The following ZBTB44 variants were observed in gnomAD, a reference collection of about 807,000 sequenced individuals.
The protein encoded by ZBTB44 is zinc finger and BTB domain-containing protein 44.
A neutral mutation model predicts 54.0 loss-of-function variants in ZBTB44; 15 were observed. That is an observed-to-expected ratio of 0.28 (90% confidence interval 0.19 to 0.43). The LOEUF (loss-of-function observed/expected upper bound fraction) is 0.43. Among genes scored for constraint, ZBTB44 ranks in the 20% least tolerant of loss-of-function variants. The probability of loss-of-function intolerance (pLI) is 1.00; values close to 1 mark genes in which losing one functional copy is unlikely to be tolerated. For synonymous variants in ZBTB44, 230 were observed against 250.1 expected (o/e 0.92, Z 0.76); for missense variants, 487 against 707.1 (o/e 0.69, Z 3.53).
intron 1 of ZBTB44, among the ~76,000 whole-genome samples, chr11:130,273,051 A>G (rs1283794003): frequency 2.0e-5 from 3 of 152,144 alleles, no homozygotes; most frequent in Admixed American, 2.0e-4. Context: ...ACTCCATATT[A>G]ATTTCAGAAT....
chr11:130,296,440 C>A, intron 1 of ZBTB44: 2 of 1,293,216 alleles, frequency 1.5e-6, no homozygotes, highest in Non-Finnish European at 1.1e-6. Context: ...AATAAATGTA[C>A]GACCACATTC....
At position 130,261,954 on chromosome 11, in the gene ZBTB44, T is replaced by C; in HGVS notation, c.-56-25A>G. 7.2e-7 allele frequency: 1 copy of C among 1,397,230 alleles called. No individual in the cohort carries two copies. The allele number at this position is 1,397,230 out of a possible 1,614,324, so 86.6% of individuals were successfully genotyped here. On this transcript the variant is annotated intron_variant, in intron 1 of 7. Coordinates refer to ENST00000357899, the MANE Select transcript of ZBTB44 (RefSeq NM_001301098.2). This position sits in a 1 kb window ranked among gnomAD's most constrained non-coding sequence, Gnocchi z 4.8. ...CCTAAAAAATACATAAAATAAAGCA[T>C]TAATTGATATTTTAGTGGTTTAAAA...
chr11:130,236,537 T>C (rs1954118978), intron 5 of ZBTB44: 2 of 353,044 alleles, frequency 5.7e-6, no homozygotes, highest in African/African-American at 4.2e-5. Context: ...AAAAAATATC[T>C]CAAGAGGACA....
At chr11:130,233,736 T>C in intron 6 of ZBTB44, 5 of 1,164,286 alleles carry the variant, frequency 4.3e-6, no homozygotes, top group Non-Finnish European at 5.3e-6. Flanking sequence ...GGTATATGTT[T>C]TAAGTCAACC....
intron 1 of ZBTB44, among the ~76,000 whole-genome samples, chr11:130,290,279 T>C (rs763392591): frequency 1.3e-5 from 2 of 152,218 alleles, no homozygotes; most frequent in Non-Finnish European, 2.9e-5. Context: ...GAATGGTTTC[T>C]CTCCTAGATC....
At chr11:130,234,530 G>T (rs1417808131) in intron 5 of ZBTB44, among the ~76,000 whole-genome samples, 1 of 152,068 alleles carries the variant, frequency 6.6e-6, no homozygotes, top group Non-Finnish European at 1.5e-5. Context: ...TATAACTCTG[G>T]ACACCTTAAC....
intron 1 of ZBTB44, among the ~76,000 whole-genome samples, chr11:130,275,124 T>C (rs1939963749): frequency 6.6e-6 from 1 of 152,180 alleles, no homozygotes; most frequent in African/African-American, 2.4e-5. Context: ...TCTTTTATGA[T>C]CTTTATTATT....
In ZBTB44 at chr11:130,234,227, G is replaced by A. The variant is rs1954008699; in HGVS notation, c.1615C>T (p.Leu539Phe). The part of the protein sequence containing the change: ...DYLNQEQEET[L>F]VQYDLGEHGF... ...TGTTCTCCAAGATCATATTGAACAA[G>A]GGTCTCTTCTTGTTCCTGGTTTAAG... is the stretch of plus-strand genomic sequence containing the variant. Residue 539 changes from leucine (L) to phenylalanine (F), a missense_variant, in exon 6 of 8, where the codon CTT becomes TTT. By Grantham distance (22) the Leu-to-Phe change is conservative (BLOSUM62 0). Transcript: ENST00000357899. 6.5e-7 allele frequency: 1 copy of A among 1,527,810 alleles called. No individual in the cohort carries two copies. The highest frequency in any genetic ancestry group is 1.4e-5 in the African/African-American group (1 of 71,512). 94.6% of individuals were successfully genotyped at this position (1,527,810 alleles called of 1,614,324 possible).
At chr11:130,281,626 ACT>A (rs1333007386) in intron 1 of ZBTB44, among the ~76,000 whole-genome samples, 17 of 151,606 alleles carry the variant, frequency 1.1e-4, no homozygotes, top group African/African-American at 3.9e-4. Flanking sequence ...GTCTCGTCTC[ACT>A]CTGTCACCCC....
chr11:130,295,858 CTTA>C, intron 1 of ZBTB44: 1 of 1,416,788 alleles, frequency 7.1e-7, no homozygotes, highest in Admixed American at 1.7e-5. Flanking sequence ...TTTTGGTGTT[CTTA>C]AGGAGCTAAA....
At position 130,314,774 on chromosome 11, in the gene ZBTB44, G is replaced by T. The variant is rs1421017894; in HGVS notation, c.-456C>A. On this transcript the variant is annotated 5_prime_UTR_variant, in exon 1 of 8. Transcript: ENST00000357899. ...CGGCTCGCGTGTTCCCAGCGGGGCG[G>T]GGTGGGGAAGGGGAAGGGGACTGAG... 2.0e-5 allele frequency: 3 copies of T among 150,908 alleles called. No homozygotes were observed. The highest frequency in any genetic ancestry group is 1.3e-4 in the Admixed American group (2 of 15,212). 9.3% of individuals were successfully genotyped at this position (150,908 alleles called of 1,614,324 possible).
chr11:130,283,169 C>T (rs1350886124), intron 1 of ZBTB44, among the ~76,000 whole-genome samples: 2 of 151,574 alleles, frequency 1.3e-5, no homozygotes, highest in African/African-American at 4.9e-5. Context: ...CTTAGCCTCC[C>T]AAGTGGATGG....
rs1364783736 is a variant in ZBTB44 at position 130,238,483 on chromosome 11, G to A, written c.1228C>T (p.Arg410Cys). 1 of 1,608,956 alleles carries A rather than the reference G, an allele frequency of 6.2e-7. No homozygotes were observed. Among genetic ancestry groups the A allele is most frequent in the East Asian group, 2.2e-5 (1 of 44,770 alleles). Reference sequence around the variant, plus strand: ...ATGTGCTGCTTTAGGTTCTGAATACGGGTGAATCGCACCCCGCAGGTTGGA... The same window carrying A: ...ATGTGCTGCTTTAGGTTCTGAATACAGGTGAATCGCACCCCGCAGGTTGGA... ...QCPTCGVRFT[R>C]IQNLKQHMLI... is the part of the protein sequence containing the mutation. The change falls in exon 4 of 8, where the codon CGT (arginine) becomes TGT (cysteine). Residue 410 changes from arginine (R) to cysteine (C), a missense_variant. Coordinates refer to ENST00000357899, the MANE Select transcript of ZBTB44 (RefSeq NM_001301098.2).
At chr11:130,273,077 T>C (rs984120396) in intron 1 of ZBTB44, among the ~76,000 whole-genome samples, 1 of 152,202 alleles carries the variant, frequency 6.6e-6, no homozygotes, top group Admixed American at 6.5e-5. Context: ...TGTCAATCTT[T>C]ACAAAGTCAG....
intron 1 of ZBTB44, among the ~76,000 whole-genome samples, chr11:130,295,354 C>A (rs1213037708): frequency 6.6e-6 from 1 of 152,070 alleles, no homozygotes; most frequent in Non-Finnish European, 1.5e-5. Flanking sequence ...CCGTATTAAC[C>A]AATGGAGAAG....
chr11:130,265,249 C>T (rs534396316), intron 1 of ZBTB44, among the ~76,000 whole-genome samples: 17 of 151,918 alleles, frequency 1.1e-4, no homozygotes, highest in Admixed American at 3.3e-4. Context: ...TTTTATGAGA[C>T]GGAATTTTGC....
intron 1 of ZBTB44, among the ~76,000 whole-genome samples, chr11:130,269,415 T>C (rs1317914309): frequency 1.3e-5 from 2 of 152,250 alleles, no homozygotes; most frequent in Non-Finnish European, 1.5e-5. Flanking sequence ...CAATTACTAA[T>C]TTAGACTTTG....
chr11:130,289,648 A>G (rs531727809), intron 1 of ZBTB44, among the ~76,000 whole-genome samples: 1 of 152,068 alleles, frequency 6.6e-6, no homozygotes, highest in African/African-American at 2.4e-5. Context: ...CTAAATTTGC[A>G]TATCTGTATT....
chr11:130,271,444 A>T (rs1031193249), intron 1 of ZBTB44, among the ~76,000 whole-genome samples: 2 of 152,178 alleles, frequency 1.3e-5, no homozygotes, highest in African/African-American at 4.8e-5. Flanking sequence ...ACCAAAGATT[A>T]CTCGGGGTAT....
Sources: allele counts gnomAD v4.1 joint callset (sites outside exome capture counted in the v4.1 genomes callset), GRCh38; gene constraint gnomAD v4.1.1; non-coding constraint Gnocchi (gnomAD v3.1); transcripts MANE v1.5; gene names NCBI Gene and HGNC (gene_info 2026-07-23, HGNC 2026-07-21).